ALG13: variants seen among roughly 807,000 people sequenced by gnomAD.
ALG13 encodes ALG13 UDP-N-acetylglucosaminyltransferase subunit, also known as UDP-N-acetylglucosamine transferase subunit ALG13.
ALG13 carries 11 observed loss-of-function variants against 87.8 expected under a neutral mutation model. The observed-to-expected ratio is 0.13, with a 90% CI of 0.08 to 0.21. ALG13 has a LOEUF of 0.21. Ranked by LOEUF, ALG13 falls within the 10% of genes least tolerant of loss-of-function variation. ALG13 has a pLI of 1.00. For missense variants in ALG13, 756 were observed against 866.1 expected, an observed-to-expected ratio of 0.87 and a Z score of 1.60; for synonymous variants, 320 against 306.3, an observed-to-expected ratio of 1.04 and a Z score of -0.47.
At chrX:111,688,543 A>T (rs989083496) in intron 3 of ALG13, 1 of 747,814 alleles carries the variant, frequency 1.3e-6, no homozygotes, top group Non-Finnish European at 1.6e-6. Flanking sequence ...TTCCTAAAGA[A>T]CAGAGTGGAG....
In ALG13 at chrX:111,727,353, C is replaced by T. The variant is rs1173337637; in HGVS notation, c.1998C>T (p.Asn666=). The part of the protein sequence containing the change: ...GMPRNSSRFI[N]RHNMPGPKVD... The stretch of plus-strand genomic sequence containing the variant: ...TTAGGAATTCATCTCGGTTTATAAA[C>T]AGGCACAACATGCCGGGCCCTAAAG... The change falls in exon 17 of 27, where the codon AAC becomes AAT. Residue 666 remains asparagine, a synonymous_variant. Transcript: ENST00000394780. 8.3e-7 allele frequency: 1 copy of T among 1,206,770 alleles called. No individual in the cohort carries two copies. The highest frequency in any genetic ancestry group is 3.0e-5 in the East Asian group (1 of 33,709).
chrX:111,751,450 A>G (rs1251288550), intron 24 of ALG13, among the ~76,000 whole-genome samples: 1 of 111,307 alleles, frequency 9.0e-6, no homozygotes, highest in Non-Finnish European at 1.9e-5. Context: ...TATTGGCTTT[A>G]TTTTTTTCTG....
At chrX:111,690,502 A>G in intron 3 of ALG13, 3 of 444,219 alleles carry the variant, frequency 6.8e-6, no homozygotes, top group Non-Finnish European at 8.4e-6. Flanking sequence ...GTAAGATAGT[A>G]TAACCAATGA....
At chrX:111,713,329 A>AT in intron 8 of ALG13, 32 bp downstream of exon 8, 6 of 958,395 alleles carry the variant, frequency 6.3e-6, no homozygotes, top group Non-Finnish European at 8.9e-6. Flanking sequence ...GACTTATATA[A>AT]AAGAAGTTGA....
intron 21 of ALG13, among the ~76,000 whole-genome samples, chrX:111,733,175 G>A (rs1228085903): frequency 9.0e-6 from 1 of 111,132 alleles, no homozygotes; most frequent in Non-Finnish European, 1.9e-5. Context: ...AGAACAGGTG[G>A]TGGTTGGTTA....
intron 15 of ALG13, among the ~76,000 whole-genome samples, chrX:111,726,065 T>C (rs1272975744): frequency 3.6e-5 from 4 of 111,153 alleles, no homozygotes. Context: ...TGCCTCAGCC[T>C]CCCAAGTAGC....
At chrX:111,690,376 G>A in intron 3 of ALG13, 1 of 753,599 alleles carries the variant, frequency 1.3e-6, no homozygotes, top group Non-Finnish European at 1.6e-6. Context: ...ACAGTTAATA[G>A]AACATTTACG....
At chrX:111,717,020 ACT>A (rs937488076) in intron 8 of ALG13, 12 of 110,014 alleles carry the variant, frequency 1.1e-4, no homozygotes, top group African/African-American at 4.0e-4. Context: ...ATCATAGCAC[ACT>A]ATAGCTTCAA....
rs780367634 is a variant in ALG13 at position 111,729,398 on chromosome X, GA to G, written c.2369-989del. Reference sequence around the variant, plus strand: ...TGTACTCTTTTTTTCTACTAGTGTAGAAAAAAAATAGATATTTTTAGGAATT... The same window carrying G: ...TGTACTCTTTTTTTCTACTAGTGTAGAAAAAAATAGATATTTTTAGGAATT... On this transcript the variant is annotated intron_variant, in intron 19 of 26. Transcript: ENST00000394780. Among the ~76,000 whole-genome samples the G allele has an allele frequency of 6.4e-5, 7 of 110,035 alleles. No homozygotes were observed. In the East Asian group the frequency reaches 8.6e-4, roughly 14 times the overall value.
intron 8 of ALG13, chrX:111,716,885 T>C (rs967400509): frequency 9.0e-6 from 1 of 111,507 alleles, no homozygotes; most frequent in African/African-American, 3.3e-5. Context: ...ACCTTCAAAA[T>C]GGAAGAACCT....
intron 1 of ALG13, chrX:111,681,670 G>T: frequency 2.3e-6 from 2 of 887,011 alleles, no homozygotes; most frequent in Non-Finnish European, 2.8e-6. Flanking sequence ...TTTTCCTCAG[G>T]CCCCCCTGTG....
chrX:111,688,584 T>TA (rs1457090995), intron 3 of ALG13: 19 of 747,081 alleles, frequency 2.5e-5, no homozygotes, highest in Admixed American at 8.9e-5. Context: ...TTCTAAAACA[T>TA]ACAAAGTGAT....
At chrX:111,688,162 T>A (rs746970017) in intron 3 of ALG13, 972 of 840,044 alleles carry the variant, frequency 1.2e-3, no homozygotes, top group Non-Finnish European at 1.3e-3. Context: ...CACATTTGCA[T>A]TGGGTCCAAA....
At chrX:111,707,259 A>C (rs879126579) in intron 3 of ALG13, among the ~76,000 whole-genome samples, 1 of 112,454 alleles carries the variant, frequency 8.9e-6, no homozygotes, top group Non-Finnish European at 1.9e-5. Context: ...AATGTAGTCT[A>C]TCCATTTGTG....
chrX:111,684,133 A>G (rs972826427), intron 2 of ALG13, among the ~76,000 whole-genome samples: 1 of 111,707 alleles, frequency 9.0e-6, no homozygotes, highest in South Asian at 3.7e-4. Flanking sequence ...CACTTGGAGT[A>G]TTTAATAAAT....
chrX:111,690,339 T>A, intron 3 of ALG13: 1 of 752,306 alleles, frequency 1.3e-6, no homozygotes, highest in African/African-American at 2.3e-5. Context: ...ATTGGGAAAT[T>A]TGCACCATGG....
At chrX:111,717,023 A>G (rs1234097316) in intron 8 of ALG13, 1 of 110,012 alleles carries the variant, frequency 9.1e-6, no homozygotes, top group Non-Finnish European at 1.9e-5. Context: ...ATAGCACACT[A>G]TAGCTTCAAA....
chrX:111,730,366 A>G, intron 19 of ALG13, 29 bp from the exon 20 acceptor site: 1 of 1,202,754 alleles, frequency 8.3e-7, no homozygotes, highest in South Asian at 1.8e-5. Flanking sequence ...ATATAAACAC[A>G]TTTCTTCTGT....
chrX:111,730,353 C>G, intron 19 of ALG13, 42 bp from the exon 20 acceptor site: 1 of 1,177,753 alleles, frequency 8.5e-7, no homozygotes, highest in Non-Finnish European at 1.2e-6. Context: ...GCTAAAAAGA[C>G]CTATATAAAC....
Sources: gnomAD v4.1 joint callset for allele counts (sites outside exome capture counted in the v4.1 genomes callset) on GRCh38, gnomAD v4.1.1 for gene constraint, MANE v1.5 for transcripts, NCBI Gene and HGNC (gene_info 2026-07-23, HGNC 2026-07-21) for gene names.